The following IGF2R variants were observed in gnomAD, a reference collection of about 807,000 sequenced individuals.
IGF2R encodes insulin like growth factor 2 receptor, also known as cation-independent mannose-6-phosphate receptor.
IGF2R carries 91 observed loss-of-function variants against 270.6 expected under a neutral mutation model. The observed-to-expected ratio is 0.34, with a 90% CI of 0.28 to 0.40. IGF2R has a LOEUF of 0.40. Ranked by LOEUF, IGF2R falls within the 10% of genes least tolerant of loss-of-function variation. The pLI is 1.00. For synonymous variants in IGF2R, 1,316 were observed against 1,258.9 expected (o/e 1.05, Z -0.96); for missense variants, 2,805 against 3,188.3 (o/e 0.88, Z 2.90).
chr6:160,095,525 C>A (rs754229435), intron 44 of IGF2R: 4 of 152,244 alleles, frequency 2.6e-5, no homozygotes, highest in Non-Finnish European at 5.9e-5. Context: ...TAGTCCGCTT[C>A]TTATACAAGT....
chr6:160,101,621 GC>G (rs1779487395), intron 45 of IGF2R, among the ~76,000 whole-genome samples: 2 of 152,236 alleles, frequency 1.3e-5, no homozygotes, highest in African/African-American at 4.8e-5. Context: ...CGCTGGGGTT[GC>G]CTCTTATCAC....
Position 160,084,829 on chromosome 6 carries a change from CT to C in IGF2R, c.6069-155del, listed in dbSNP as rs566382379. Among the ~76,000 whole-genome samples the C allele has an allele frequency of 8.1e-4, 119 of 146,502 alleles. No homozygotes were observed. The highest frequency in any genetic ancestry group is 1.0e-3 in the African/African-American group (40 of 40,172). On this transcript the variant is annotated intron_variant, in intron 40 of 47. Coordinates refer to ENST00000356956, the MANE Select transcript of IGF2R (RefSeq NM_000876.4). The surrounding 1 kb of genome is among the most constrained non-coding windows in gnomAD (Gnocchi z 4.6). ...TTCTTCAGTGAAGACTTCTTTTGCC[CT>C]TTTTTTTTTTAATTGGAAAAGCTAT...
At chr6:160,005,451 G>T (rs890016094) in intron 2 of IGF2R, 1 of 152,168 alleles carries the variant, frequency 6.6e-6, no homozygotes, top group Non-Finnish European at 1.5e-5. Flanking sequence ...ACTGGGCTGC[G>T]AGGAAGCCGG....
At chr6:159,978,902 G>T (rs1180689087) in intron 1 of IGF2R, among the ~76,000 whole-genome samples, 1 of 152,168 alleles carries the variant, frequency 6.6e-6, no homozygotes, top group Non-Finnish European at 1.5e-5. Context: ...CATCTGGAGG[G>T]CAAGTTGTCC....
At chr6:160,014,714 C>G (rs985179695) in intron 4 of IGF2R, among the ~76,000 whole-genome samples, 1 of 152,228 alleles carries the variant, frequency 6.6e-6, no homozygotes, top group Non-Finnish European at 1.5e-5. Flanking sequence ...ACTCACTCCC[C>G]TCTTGGGTTA....
intron 6 of IGF2R, among the ~76,000 whole-genome samples, chr6:160,029,090 C>G (rs1333289941): frequency 6.6e-6 from 1 of 152,092 alleles, no homozygotes; most frequent in Non-Finnish European, 1.5e-5. Context: ...TCAAGTGATT[C>G]TCCTGCCTCA....
At chr6:159,971,363 T>G (rs539562184) in intron 1 of IGF2R, among the ~76,000 whole-genome samples, 1 of 152,334 alleles carries the variant, frequency 6.6e-6, no homozygotes, top group Admixed American at 6.5e-5. Context: ...CTGGCCACTG[T>G]CACACGTGGG....
intron 10 of IGF2R, among the ~76,000 whole-genome samples, chr6:160,035,088 C>T (rs758010722): frequency 2.6e-5 from 4 of 152,232 alleles, no homozygotes; most frequent in East Asian, 1.9e-4. Context: ...CATATCTTGA[C>T]GATTGTAGAC....
At chr6:160,043,908 C>A (rs147523755) in intron 12 of IGF2R, among the ~76,000 whole-genome samples, 4 of 152,146 alleles carry the variant, frequency 2.6e-5, no homozygotes, top group African/African-American at 9.7e-5. Context: ...GGAATTATCT[C>A]GGTATTCAGA....
chr6:160,033,438 A>G (rs907212209), intron 9 of IGF2R, among the ~76,000 whole-genome samples: 6 of 152,262 alleles, frequency 3.9e-5, no homozygotes, highest in Non-Finnish European at 8.8e-5. Flanking sequence ...ACTGGCCTGC[A>G]TAATTTTCAA....
At chr6:160,012,763 ATTT>A (rs370417751) in intron 4 of IGF2R, among the ~76,000 whole-genome samples, 14 of 128,042 alleles carry the variant, frequency 1.1e-4, no homozygotes, top group Non-Finnish European at 1.3e-4. Context: ...ATATATATAT[ATTT>A]TTTTTTTTTT....
In IGF2R at chr6:160,032,452, C is replaced by G. The variant is rs187272577; in HGVS notation, c.883-99C>G. ...AAACAGAAACAGCAAAATGTAGAAA[C>G]CTAACAACCTGTCTTTGAGCTTTTC... On this transcript the variant is annotated intron_variant, in intron 7 of 47. Transcript: ENST00000356956. 5.5e-6 allele frequency: 6 copies of G among 1,091,212 alleles called. No individual in the cohort carries two copies. The East Asian group carries it at 1.5e-4, about 27-fold the overall frequency. 67.6% of individuals were successfully genotyped at this position (1,091,212 alleles called of 1,614,324 possible). A position where few individuals can be genotyped will look rare whatever the true frequency, so the allele number is the denominator to read the frequency against.
chr6:160,097,115 T>C (rs1379414335), intron 45 of IGF2R, among the ~76,000 whole-genome samples: 1 of 152,224 alleles, frequency 6.6e-6, no homozygotes, highest in African/African-American at 2.4e-5. Flanking sequence ...TTACGTTTGT[T>C]TGAATGAATG....
At chr6:160,056,393 A>G (rs1318437396) in intron 19 of IGF2R, 31 bp from the exon 20 acceptor site, 3 of 1,418,800 alleles carry the variant, frequency 2.1e-6, no homozygotes, top group Non-Finnish European at 3.0e-6. Context: ...ATGTTACTGT[A>G]TTGACTTTTA....
intron 6 of IGF2R, 131 bp from the exon 7 acceptor site, chr6:160,029,419 T>TTA: frequency 1.7e-6 from 1 of 584,142 alleles, no homozygotes; most frequent in Non-Finnish European, 3.1e-6. Flanking sequence ...ATATCTACTT[T>TTA]TATATTTTAA....
At chr6:160,007,974 G>T (rs1296732389) in intron 2 of IGF2R, among the ~76,000 whole-genome samples, 3 of 152,178 alleles carry the variant, frequency 2.0e-5, no homozygotes, top group South Asian at 2.1e-4. Flanking sequence ...TTAGACAGGG[G>T]TGTCCAATCT....
In IGF2R at chr6:159,984,193, G is replaced by A. The variant is rs77102931; in HGVS notation, c.150-6991G>A. Among the ~76,000 whole-genome samples the A allele has an allele frequency of 4.0e-3, 602 of 152,232 alleles. 2 individuals carry two copies. The highest frequency in any genetic ancestry group is 6.6e-3 in the Non-Finnish European group (452 of 68,008). On this transcript the variant is annotated intron_variant, in intron 1 of 47. Transcript: ENST00000356956. ...CATGACATTAAAAACGAGAAGAGAAGCGTTTTGGCCAATGACGGACTGCAT... is the reference window on the plus strand; with the variant it reads ...CATGACATTAAAAACGAGAAGAGAAACGTTTTGGCCAATGACGGACTGCAT...
rs1779718751 is a variant in IGF2R, at chr6:160,110,429, A to G, written c.*5345A>G. ...AATGGCTACTGTCAGACGAAAGACA[A>G]CAAGTGTGGGTGAGGATGTGGAGAA... On this transcript the variant is annotated 3_prime_UTR_variant, in exon 48 of 48. Coordinates refer to ENST00000356956, the MANE Select transcript of IGF2R (RefSeq NM_000876.4). 6.6e-6 allele frequency: 1 copy of G among 152,274 alleles called. No individual in the cohort carries two copies. Among genetic ancestry groups the G allele is most frequent in the Non-Finnish European group, 1.5e-5 (1 of 68,056 alleles). The allele number at this position is 152,274 out of a possible 1,614,324, so 9.4% of individuals were successfully genotyped here.
chr6:160,075,467 T>TGGGA (rs1778837460), intron 35 of IGF2R, among the ~76,000 whole-genome samples: 1 of 152,164 alleles, frequency 6.6e-6, no homozygotes, highest in Admixed American at 6.5e-5. Flanking sequence ...TGTCAGGTGG[T>TGGGA]GGGAGGACCG....
Sources: allele counts gnomAD v4.1 joint callset (sites outside exome capture counted in the v4.1 genomes callset), GRCh38; gene constraint gnomAD v4.1.1; non-coding constraint Gnocchi (gnomAD v3.1); transcripts MANE v1.5; gene names NCBI Gene and HGNC (gene_info 2026-07-23, HGNC 2026-07-21).